KCNMB2: variants seen among roughly 807,000 people sequenced by gnomAD.
The protein encoded by KCNMB2 is potassium calcium-activated channel subfamily M regulatory beta subunit 2.
In KCNMB2, 9 loss-of-function variants were observed where a neutral mutation model predicts 24.5. The observed-to-expected ratio is 0.37, with a 90% CI of 0.22 to 0.64. KCNMB2 has a LOEUF of 0.64. KCNMB2 is among the 30% of genes least tolerant of loss of function. The pLI, the probability that KCNMB2 is intolerant of heterozygous loss-of-function variation, is 0.63. For synonymous variants in KCNMB2, 109 were observed against 104.4 expected (o/e 1.04, Z -0.27); for missense variants, 226 against 284.3 (o/e 0.79, Z 1.47).
chr3:178,745,630 A>G (rs1332048351), intron 1 of KCNMB2, among the ~76,000 whole-genome samples: 3 of 152,208 alleles, frequency 2.0e-5, no homozygotes, highest in Admixed American at 6.5e-5. Flanking sequence ...TCTCATCTGA[A>G]AAAAGGCAAG....
At chr3:178,693,812 A>G (rs545875440) in intron 1 of KCNMB2, among the ~76,000 whole-genome samples, 4 of 152,250 alleles carry the variant, frequency 2.6e-5, no homozygotes, top group African/African-American at 9.6e-5. Context: ...TAGTTTCAGT[A>G]GGAATTGTAC....
At chr3:178,815,361 T>C (rs954130796) in intron 2 of KCNMB2, among the ~76,000 whole-genome samples, 2 of 151,978 alleles carry the variant, frequency 1.3e-5, no homozygotes, top group Non-Finnish European at 2.9e-5. Context: ...GTTCAAGTGA[T>C]CCTCCTCCCA....
chr3:178,635,878 T>C (rs1477785), intron 1 of KCNMB2, among the ~76,000 whole-genome samples: 1 of 152,226 alleles, frequency 6.6e-6, no homozygotes, highest in East Asian at 1.9e-4. Context: ...GTTCATTACC[T>C]ACTAATTCAT....
At chr3:178,789,869 C>A (rs1272123165) in intron 1 of KCNMB2, among the ~76,000 whole-genome samples, 1 of 152,198 alleles carries the variant, frequency 6.6e-6, no homozygotes, top group Non-Finnish European at 1.5e-5. Context: ...TGATGCTGTG[C>A]TGGGCTTATA....
At position 178,794,151 on chromosome 3, in the gene KCNMB2, C is replaced by T. The variant is rs112253166; in HGVS notation, c.-67-13192C>T. Reference sequence around the variant, plus strand: ...TGAACACTACGCCTTTGCAGAACACCACCAACAACAGGCATGACAAGATTG... The same window carrying T: ...TGAACACTACGCCTTTGCAGAACACTACCAACAACAGGCATGACAAGATTG... On this transcript the variant is annotated intron_variant, in intron 1 of 4. Coordinates refer to ENST00000452583, the MANE Select transcript of KCNMB2 (RefSeq NM_181361.3). Among the ~76,000 whole-genome samples, 370 of 152,250 alleles carry T rather than the reference C, an allele frequency of 2.4e-3. 3 individuals carry two copies. Among genetic ancestry groups the T allele is most frequent in the African/African-American group, 8.4e-3 (347 of 41,534 alleles).
At chr3:178,816,682 A>C (rs554828585) in intron 2 of KCNMB2, among the ~76,000 whole-genome samples, 4 of 152,116 alleles carry the variant, frequency 2.6e-5, no homozygotes, top group Non-Finnish European at 5.9e-5. Context: ...AGTGTTTTTC[A>C]TATCATTTAA....
chr3:178,803,563 G>C (rs1435375400), intron 1 of KCNMB2, among the ~76,000 whole-genome samples: 1 of 152,188 alleles, frequency 6.6e-6, no homozygotes, highest in African/African-American at 2.4e-5. Context: ...GTGTTACTAT[G>C]TGTCCTGGAT....
intron 1 of KCNMB2, among the ~76,000 whole-genome samples, chr3:178,670,032 G>A (rs896837547): frequency 3.9e-5 from 6 of 152,056 alleles, no homozygotes; most frequent in East Asian, 1.9e-4. Context: ...ATTGATTTGC[G>A]AGAAAGGATT....
In KCNMB2 at chr3:178,805,296, C is replaced by T. The variant is rs143938820; in HGVS notation, c.-67-2047C>T. Among the ~76,000 whole-genome samples the T allele has an allele frequency of 5.1e-3, 775 of 152,304 alleles. 7 individuals carry two copies. Among genetic ancestry groups the T allele is most frequent in the South Asian group, 0.016 (77 of 4,824 alleles). ...CTAATCCCAGAAAGTAAATACACAA[C>T]GATATAGTATATGCTTAGATCCATT... On this transcript the variant is annotated intron_variant, in intron 1 of 4. Transcript: ENST00000452583.
chr3:178,698,042 T>C (rs1161872004), intron 1 of KCNMB2, among the ~76,000 whole-genome samples: 1 of 152,220 alleles, frequency 6.6e-6, no homozygotes, highest in Admixed American at 6.5e-5. Flanking sequence ...CATCTTTTCT[T>C]TCATTTAGAT....
chr3:178,741,109 T>C (rs1723480889), intron 1 of KCNMB2, among the ~76,000 whole-genome samples: 1 of 152,210 alleles, frequency 6.6e-6, no homozygotes, highest in Non-Finnish European at 1.5e-5. Flanking sequence ...TAAATGAACA[T>C]GTTTGTCCAT....
intron 1 of KCNMB2, among the ~76,000 whole-genome samples, chr3:178,783,051 C>A (rs1439515568): frequency 6.7e-6 from 1 of 149,856 alleles, no homozygotes; most frequent in African/African-American, 2.4e-5. Context: ...AATAGGGAAT[C>A]CTTTCCCCAT....
chr3:178,709,183 T>G (rs1277444032), intron 1 of KCNMB2, among the ~76,000 whole-genome samples: 2 of 152,172 alleles, frequency 1.3e-5, no homozygotes, highest in South Asian at 4.1e-4. Context: ...CACTTTTCAC[T>G]ACTCTGTTTC....
chr3:178,602,661 C>T (rs939484101), intron 1 of KCNMB2, among the ~76,000 whole-genome samples: 8 of 151,866 alleles, frequency 5.3e-5, no homozygotes, highest in Admixed American at 2.0e-4. Context: ...GCAGCAGGTA[C>T]GAGGGTCCTG....
intron 1 of KCNMB2, among the ~76,000 whole-genome samples, chr3:178,649,039 C>A (rs1420948305): frequency 2.0e-5 from 3 of 152,084 alleles, no homozygotes; most frequent in Non-Finnish European, 4.4e-5. Context: ...CATGGTATTG[C>A]CCATTTTTCC....
intron 4 of KCNMB2, among the ~76,000 whole-genome samples, chr3:178,842,189 C>T (rs776173710): frequency 5.9e-5 from 9 of 151,986 alleles, no homozygotes; most frequent in Non-Finnish European, 1.0e-4. Flanking sequence ...TACTACTTTC[C>T]CTGAGAGAAC....
In KCNMB2 at chr3:178,775,744, A is replaced by G. The variant is rs1712553188; in HGVS notation, c.-67-31599A>G. Among the ~76,000 whole-genome samples, 3 of 152,220 alleles carry G rather than the reference A, an allele frequency of 2.0e-5. No individual in the cohort carries two copies. In the South Asian group the frequency reaches 6.2e-4, roughly 31 times the overall value. ...CAAATGACAAGCAATAAAGAAAATT[A>G]GAATCATTTTGCTTGAGTTTTGACA... On this transcript the variant is annotated intron_variant, in intron 1 of 4. Transcript: ENST00000452583.
In KCNMB2 at chr3:178,676,839, G is replaced by A. The variant is rs997517097; in HGVS notation, c.-67-130504G>A. 6.6e-5 allele frequency among the ~76,000 whole-genome samples: 10 copies of A among 152,066 alleles called. No individual in the cohort carries two copies. In the East Asian group the frequency reaches 1.9e-3, roughly 29 times the overall value. On this transcript the variant is annotated intron_variant, in intron 1 of 4. Coordinates refer to ENST00000452583, the MANE Select transcript of KCNMB2 (RefSeq NM_181361.3). ...TAGGGAGAGACAAACCCTTCCATTT[G>A]TTTAGCATTTTAACGTTACGAAACG...
chr3:178,834,886 G>C (rs187141755), intron 4 of KCNMB2, among the ~76,000 whole-genome samples: 101 of 152,032 alleles, frequency 6.6e-4, no homozygotes, highest in African/African-American at 2.4e-3. Flanking sequence ...CCAGAAAGAA[G>C]CTGATACTGA....
Sources: gnomAD v4.1 joint callset for allele counts (sites outside exome capture counted in the v4.1 genomes callset) on GRCh38, gnomAD v4.1.1 for gene constraint, MANE v1.5 for transcripts, NCBI Gene and HGNC (gene_info 2026-07-23, HGNC 2026-07-21) for gene names.